Variants in ZFAND4 observed in about 807,000 individuals in gnomAD.
The protein encoded by ZFAND4 is zinc finger AN1-type containing 4.
Under a neutral mutation model 64.4 loss-of-function variants are expected in ZFAND4, and 43 were observed. That is an observed-to-expected ratio of 0.67 (90% CI 0.52 to 0.86). The LOEUF (loss-of-function observed/expected upper bound fraction) is 0.86, where lower values mean the gene tolerates loss of function less well. ZFAND4 is among the 40% of genes least tolerant of loss of function. The pLI is 0.00. For synonymous variants in ZFAND4, 296 were observed against 305.7 expected, an observed-to-expected ratio of 0.97 and a Z score of 0.33; for missense variants, 929 against 859.8, an observed-to-expected ratio of 1.08 and a Z score of -1.01.
Position 45,626,415 on chromosome 10 carries a change from T to G in ZFAND4, c.1408A>C (p.Arg470=). Reference sequence around the variant, plus strand: ...GAACAGCGAAGAGGTGACAAGAGTCTATTCTTGTGAGGACTTAATTCCCGG... The same window carrying G: ...GAACAGCGAAGAGGTGACAAGAGTCGATTCTTGTGAGGACTTAATTCCCGG... ...NYRELSPHKN[R]LLSPLRCSAP... Residue 470 remains arginine (R), a synonymous_variant, in exon 7 of 10, where the codon AGA becomes CGA. Transcript: ENST00000344646. The G allele has an allele frequency of 1.9e-6, 3 of 1,613,992 alleles. No homozygotes were observed. Among genetic ancestry groups the G allele is most frequent in the Non-Finnish European group, 2.5e-6 (3 of 1,180,006 alleles).
intron 7 of ZFAND4, among the ~76,000 whole-genome samples, chr10:45,625,566 C>T (rs2045754337): frequency 7.1e-6 from 1 of 141,552 alleles, no homozygotes. Flanking sequence ...ACATTAAAAA[C>T]ATTTAGCATT....
At chr10:45,620,884 T>C (rs1193057715) in intron 8 of ZFAND4, 1 of 152,176 alleles carries the variant, frequency 6.6e-6, no homozygotes, top group Non-Finnish European at 1.5e-5. Flanking sequence ...CATCATCAAT[T>C]ATCAACTCCT....
At chr10:45,633,228 A>C (rs1011018332) in intron 6 of ZFAND4, among the ~76,000 whole-genome samples, 2 of 152,110 alleles carry the variant, frequency 1.3e-5, no homozygotes, top group Non-Finnish European at 2.9e-5. Flanking sequence ...AAAAAAAAAA[A>C]AACTTTAATA....
intron 1 of ZFAND4, among the ~76,000 whole-genome samples, chr10:45,665,267 C>A (rs1359390635): frequency 2.0e-5 from 3 of 152,096 alleles, no homozygotes; most frequent in Admixed American, 2.0e-4. Context: ...GGGCCAGGCA[C>A]AGTGGCTCAC....
Position 45,618,213 on chromosome 10 carries a change from T to C in ZFAND4, c.1975A>G (p.Thr659Ala). 1 of 1,613,848 alleles carries C rather than the reference T, an allele frequency of 6.2e-7. No homozygotes were observed. The highest frequency in any genetic ancestry group is 8.5e-7 in the Non-Finnish European group (1 of 1,179,894). Residue 659 changes from threonine to alanine, a missense_variant, in exon 9 of 10, where the codon ACA (threonine) becomes GCA (alanine). Thr to Ala is a moderately conservative substitution (Grantham distance 58, BLOSUM62 0). Coordinates refer to ENST00000344646, the MANE Select transcript of ZFAND4 (RefSeq NM_174890.4). ...CAATGATTTGTTGTTTTCTTCTTTG[T>C]CTGAAGAGGGGCTTTCACAGGTGGG... ...HLPPVKAPLQ[T>A]KKKTTNHCFL...
At position 45,624,526 on chromosome 10, in the gene ZFAND4, A is replaced by T. The variant is rs574482865; in HGVS notation, c.1927+57T>A. The T allele has an allele frequency of 4.0e-6, 6 of 1,496,626 alleles. No individual in the cohort carries two copies. In the Admixed American group the frequency reaches 5.1e-5, roughly 13 times the overall value. 92.7% of individuals were successfully genotyped at this position (1,496,626 alleles called of 1,614,324 possible). A position where few individuals can be genotyped will look rare whatever the true frequency, so the allele number is the denominator to read the frequency against. On this transcript the variant is annotated intron_variant, in intron 8 of 9. Transcript: ENST00000344646. ...CATTTCTCTTTGAAAATTCAACCGG[A>T]TGCATAATTATGTAATTATCAGCCT...
intron 6 of ZFAND4, among the ~76,000 whole-genome samples, chr10:45,630,031 TC>T (rs1457286303): frequency 6.6e-6 from 1 of 151,998 alleles, no homozygotes; most frequent in Non-Finnish European, 1.5e-5. Context: ...CTGTTAATAC[TC>T]ATCTAAGTAA....
At chr10:45,631,318 C>CAA (rs35859169) in intron 6 of ZFAND4, among the ~76,000 whole-genome samples, 1 of 116,676 alleles carries the variant, frequency 8.6e-6, no homozygotes, top group Non-Finnish European at 1.8e-5. Context: ...CTCCGCCCCC[C>CAA]AAAAAAAAAA....
intron 6 of ZFAND4, among the ~76,000 whole-genome samples, chr10:45,628,136 C>T (rs2045965040): frequency 6.6e-6 from 1 of 151,998 alleles, no homozygotes; most frequent in African/African-American, 2.4e-5. Context: ...TAAAAATAAG[C>T]AAAAATGGTA....
rs1347485880 is a variant in ZFAND4, at chr10:45,672,725, G to A, written c.-593C>T. The A allele has an allele frequency of 6.6e-6, 1 of 152,228 alleles. No individual in the cohort carries two copies. The highest frequency in any genetic ancestry group is 1.5e-5 in the Non-Finnish European group (1 of 68,078). 9.4% of individuals were successfully genotyped at this position (152,228 alleles called of 1,614,324 possible). On this transcript the variant is annotated 5_prime_UTR_variant, in exon 1 of 10. Coordinates refer to ENST00000344646, the MANE Select transcript of ZFAND4 (RefSeq NM_174890.4). ...CGCTCGCCCGCCTACAGGTCGACAG[G>A]GCCCAACGACCCGGCGAGCAACTTC...
chr10:45,646,076 G>A (rs1188116415), intron 5 of ZFAND4, among the ~76,000 whole-genome samples: 1 of 152,026 alleles, frequency 6.6e-6, no homozygotes, highest in Non-Finnish European at 1.5e-5. Context: ...AAATTTGATG[G>A]GCAACACTAA....
intron 9 of ZFAND4, 39 bp from the exon 10 acceptor site, chr10:45,616,610 C>T (rs200605409): frequency 6.7e-5 from 108 of 1,609,728 alleles, no homozygotes; most frequent in Middle Eastern, 1.6e-4. Flanking sequence ...AGTTGTATTT[C>T]TATGAAAGGC....
chr10:45,637,077 G>A (rs536485279), intron 6 of ZFAND4, among the ~76,000 whole-genome samples: 2 of 151,264 alleles, frequency 1.3e-5, no homozygotes, highest in African/African-American at 4.9e-5. Context: ...GCGGTGGCTC[G>A]CTCCTGTAAT....
At chr10:45,634,526 CAAA>C (rs992129817) in intron 6 of ZFAND4, among the ~76,000 whole-genome samples, 6 of 65,122 alleles carry the variant, frequency 9.2e-5, no homozygotes. Context: ...GACTCCATCT[CAAA>C]AAAAAAAAAA....
intron 5 of ZFAND4, among the ~76,000 whole-genome samples, chr10:45,646,507 GAAC>G (rs1371667589): frequency 2.0e-5 from 3 of 152,118 alleles, no homozygotes; most frequent in Non-Finnish European, 4.4e-5. Flanking sequence ...ATCTTGTGAT[GAAC>G]AACAAGACAG....
At position 45,615,956 on chromosome 10, in the gene ZFAND4, G is replaced by C. The variant is rs1337271605; in HGVS notation, c.*480C>G. ...AAAGCCAGTAAACTTTCACACGTGG[G>C]ATTTTTAAAAAATCTCCACCCATCC... On this transcript the variant is annotated 3_prime_UTR_variant, in exon 10 of 10. Coordinates refer to ENST00000344646, the MANE Select transcript of ZFAND4 (RefSeq NM_174890.4). 6.6e-6 allele frequency: 1 copy of C among 151,720 alleles called. No homozygotes were observed. The highest frequency in any genetic ancestry group is 1.5e-5 in the Non-Finnish European group (1 of 67,862). The allele number at this position is 151,720 out of a possible 1,614,324, so 9.4% of individuals were successfully genotyped here. A position where few individuals can be genotyped will look rare whatever the true frequency, so the allele number is the denominator to read the frequency against.
At chr10:45,662,521 T>C (rs1305565248) in intron 2 of ZFAND4, 1 of 860,166 alleles carries the variant, frequency 1.2e-6, no homozygotes, top group Non-Finnish European at 1.4e-6. Flanking sequence ...CTTTAAACTA[T>C]GATATAAATT....
Position 45,626,187 on chromosome 10 carries a change from C to A in ZFAND4, c.1636G>T (p.Ala546Ser), listed in dbSNP as rs1447592154. 4.3e-6 allele frequency: 7 copies of A among 1,614,012 alleles called. No homozygotes were observed. The highest frequency in any genetic ancestry group is 2.2e-5 in the East Asian group (1 of 44,894). The change falls in exon 7 of 10, where the codon GCT becomes TCT. Residue 546 changes from alanine to serine, a missense_variant. Ala to Ser is a moderately conservative substitution (Grantham distance 99, BLOSUM62 1). Transcript: ENST00000344646. Reference sequence around the variant, plus strand: ...TTAGTCATTTCTGTGATATCCCGAGCCTCAACTTTGGAAATAACATCAGAT... The same window carrying A: ...TTAGTCATTTCTGTGATATCCCGAGACTCAACTTTGGAAATAACATCAGAT... Reference protein sequence around the residue: ...KRSDVISKVEARDITEMTNKA... With the variant: ...KRSDVISKVESRDITEMTNKA...
intron 5 of ZFAND4, among the ~76,000 whole-genome samples, chr10:45,640,664 G>A (rs375783004): frequency 7.2e-5 from 11 of 151,956 alleles, no homozygotes; most frequent in African/African-American, 2.7e-4. Flanking sequence ...ATAATTTTTT[G>A]TATTTTTAGT....
Sources: gnomAD v4.1 joint callset for allele counts (sites outside exome capture counted in the v4.1 genomes callset) on GRCh38, gnomAD v4.1.1 for gene constraint, MANE v1.5 for transcripts, NCBI Gene and HGNC (gene_info 2026-07-23, HGNC 2026-07-21) for gene names.